CLSTN2: variants seen among roughly 807,000 people sequenced by gnomAD.
CLSTN2 encodes the protein calsyntenin 2.
A neutral mutation model predicts 101.2 loss-of-function variants in CLSTN2; 48 were observed. That is an observed-to-expected ratio of 0.47 (90% CI 0.38 to 0.60). CLSTN2 has a LOEUF of 0.60. CLSTN2 is among the 20% of genes least tolerant of loss of function. The pLI, the probability that CLSTN2 is intolerant of heterozygous loss-of-function variation, is 0.00. For missense variants in CLSTN2, 1,160 were observed against 1,238.2 expected, an observed-to-expected ratio of 0.94 and a Z score of 0.95; for synonymous variants, 481 against 463.6, an observed-to-expected ratio of 1.04 and a Z score of -0.48.
intron 10 of CLSTN2, among the ~76,000 whole-genome samples, chr3:140,553,962 TA>T (rs1935754072): frequency 6.6e-6 from 1 of 151,704 alleles, no homozygotes; most frequent in Non-Finnish European, 1.5e-5. Context: ...TGATAGTGAG[TA>T]AAATGTAGGC....
intron 1 of CLSTN2, among the ~76,000 whole-genome samples, chr3:139,992,474 C>T (rs1463912282): frequency 6.6e-6 from 1 of 152,140 alleles, no homozygotes; most frequent in African/African-American, 2.4e-5. Context: ...AGAGAGGGCT[C>T]ACCAGAGTCA....
intron 1 of CLSTN2, among the ~76,000 whole-genome samples, chr3:139,983,223 T>A (rs1011253031): frequency 6.6e-6 from 1 of 152,148 alleles, no homozygotes; most frequent in Non-Finnish European, 1.5e-5. Flanking sequence ...ATACATGTGT[T>A]GCTCACCTTT....
intron 2 of CLSTN2, among the ~76,000 whole-genome samples, chr3:140,271,649 C>T (rs1160313722): frequency 1.3e-5 from 2 of 152,146 alleles, no homozygotes; most frequent in Non-Finnish European, 2.9e-5. Context: ...CCTCTTATGA[C>T]ATAATCACTT....
intron 5 of CLSTN2, among the ~76,000 whole-genome samples, chr3:140,447,604 A>G (rs1933115539): frequency 1.3e-5 from 2 of 152,354 alleles, no homozygotes; most frequent in Middle Eastern, 3.4e-3. Context: ...TGACAAGACC[A>G]TGAGACCTAC....
chr3:139,960,447 G>A (rs1334445190), intron 1 of CLSTN2, among the ~76,000 whole-genome samples: 2 of 152,018 alleles, frequency 1.3e-5, no homozygotes, highest in African/African-American at 2.4e-5. Context: ...AAAAGCTTTG[G>A]TGGCTTCCTA....
At chr3:140,371,803 T>A (rs1490915825) in intron 2 of CLSTN2, among the ~76,000 whole-genome samples, 1 of 152,206 alleles carries the variant, frequency 6.6e-6, no homozygotes, top group Non-Finnish European at 1.5e-5. Flanking sequence ...TCTGGAAGCT[T>A]CACATTAAAC....
chr3:140,433,995 A>G (rs2088662537), intron 5 of CLSTN2, among the ~76,000 whole-genome samples: 1 of 152,188 alleles, frequency 6.6e-6, no homozygotes, highest in South Asian at 2.1e-4. Context: ...AGTGCCTGTT[A>G]AATGGTGGCT....
chr3:139,995,351 G>A (rs927334166), intron 1 of CLSTN2, among the ~76,000 whole-genome samples: 4 of 152,144 alleles, frequency 2.6e-5, no homozygotes, highest in Admixed American at 6.5e-5. Context: ...AGTTAAATAC[G>A]CTATTGTCTA....
At chr3:140,096,070 T>A (rs1326005944) in intron 1 of CLSTN2, among the ~76,000 whole-genome samples, 1 of 152,210 alleles carries the variant, frequency 6.6e-6, no homozygotes, top group Non-Finnish European at 1.5e-5. Context: ...AGCGCCTTTC[T>A]CAGAAAAGAT....
rs1314007385 is a variant in CLSTN2, at chr3:139,962,155, A to G, written c.109+26672A>G. 3.9e-5 allele frequency among the ~76,000 whole-genome samples: 6 copies of G among 152,308 alleles called. No homozygotes were observed. The East Asian group carries it at 1.2e-3, about 29-fold the overall frequency. On this transcript the variant is annotated intron_variant, in intron 1 of 16. Coordinates refer to ENST00000458420, the MANE Select transcript of CLSTN2 (RefSeq NM_022131.3). Reference sequence around the variant, plus strand: ...GATACAGTTCTAAAGGAAATATCAAAGAATAAAAACATTTTAAAGTTTCTG... The same window carrying G: ...GATACAGTTCTAAAGGAAATATCAAGGAATAAAAACATTTTAAAGTTTCTG...
At chr3:140,025,329 G>A (rs1351529691) in intron 1 of CLSTN2, among the ~76,000 whole-genome samples, 1 of 152,222 alleles carries the variant, frequency 6.6e-6, no homozygotes, top group African/African-American at 2.4e-5. Context: ...TCAGAAAGCT[G>A]ATTCACTTTG....
intron 1 of CLSTN2, among the ~76,000 whole-genome samples, chr3:140,028,522 C>T (rs756684404): frequency 1.3e-5 from 2 of 152,150 alleles, no homozygotes; most frequent in African/African-American, 4.8e-5. Context: ...TACCGTATTT[C>T]ATCCCAAGAT....
In CLSTN2 at chr3:140,509,260, T is replaced by C. The variant is rs1338878169; in HGVS notation, c.1345-23064T>C. On this transcript the variant is annotated intron_variant, in intron 8 of 16. Coordinates refer to ENST00000458420, the MANE Select transcript of CLSTN2 (RefSeq NM_022131.3). Reference sequence around the variant, plus strand: ...AAAATTTGGTAAACGGTCTACTCTGTTCCCCACCTTAGCATATTATAGTCT... The same window carrying C: ...AAAATTTGGTAAACGGTCTACTCTGCTCCCCACCTTAGCATATTATAGTCT... Among the ~76,000 whole-genome samples the C allele has an allele frequency of 2.0e-5, 3 of 152,296 alleles. No individual in the cohort carries two copies. In the East Asian group the frequency reaches 5.8e-4, roughly 29 times the overall value.
intron 8 of CLSTN2, among the ~76,000 whole-genome samples, chr3:140,514,159 G>C (rs1934871068): frequency 6.6e-6 from 1 of 151,466 alleles, no homozygotes; most frequent in Non-Finnish European, 1.5e-5. Flanking sequence ...TTTTTCAATA[G>C]GTTTTTGGAG....
intron 1 of CLSTN2, among the ~76,000 whole-genome samples, chr3:140,086,668 T>C (rs2008688353): frequency 6.6e-6 from 1 of 152,210 alleles, no homozygotes; most frequent in Admixed American, 6.5e-5. Flanking sequence ...TTCTAAGTGC[T>C]CATAAACCGT....
chr3:140,180,193 G>A (rs1279218675), intron 2 of CLSTN2, among the ~76,000 whole-genome samples: 1 of 152,236 alleles, frequency 6.6e-6, no homozygotes, highest in African/African-American at 2.4e-5. Context: ...CTCCCTGCCA[G>A]TTGGCAGGGG....
intron 1 of CLSTN2, among the ~76,000 whole-genome samples, chr3:139,963,594 TCTG>T (rs1469191406): frequency 6.6e-6 from 1 of 152,208 alleles, no homozygotes; most frequent in African/African-American, 2.4e-5. Context: ...CTTTCCAAAT[TCTG>T]CTGTGAGCTT....
chr3:140,122,869 T>C (rs1251444121), intron 1 of CLSTN2, among the ~76,000 whole-genome samples: 1 of 152,166 alleles, frequency 6.6e-6, no homozygotes, highest in African/African-American at 2.4e-5. Context: ...TCGTAAAGCA[T>C]AGTTTTAGCT....
At chr3:140,292,982 G>A (rs932223988) in intron 2 of CLSTN2, among the ~76,000 whole-genome samples, 2 of 152,196 alleles carry the variant, frequency 1.3e-5, no homozygotes, top group African/African-American at 2.4e-5. Flanking sequence ...AACTGTCCCT[G>A]CGGACTTAGA....
Sources: allele counts gnomAD v4.1 joint callset (sites outside exome capture counted in the v4.1 genomes callset), GRCh38; gene constraint gnomAD v4.1.1; transcripts MANE v1.5; gene names NCBI Gene and HGNC (gene_info 2026-07-23, HGNC 2026-07-21).